Variants in EYS observed in about 807,000 individuals in gnomAD.
The protein encoded by EYS is protein eyes shut homolog.
A neutral mutation model predicts 282.1 loss-of-function variants in EYS; 250 were observed. The ratio of observed to expected loss-of-function variants is 0.89; its 90% CI spans 0.80 to 0.98. The LOEUF is 0.98. Ranked by LOEUF, EYS falls within the 50% of genes least tolerant of loss-of-function variation. The probability of loss-of-function intolerance (pLI) is 0.00; values close to 1 mark genes in which losing one functional copy is unlikely to be tolerated. For missense variants in EYS, 4,016 were observed against 3,709.0 expected (o/e 1.08, Z -2.15); for synonymous variants, 1,355 against 1,282.9 (o/e 1.06, Z -1.20).
intron 8 of EYS, among the ~76,000 whole-genome samples, chr6:65,355,220 C>A (rs1175191057): frequency 2.0e-5 from 3 of 152,096 alleles, no homozygotes; most frequent in Non-Finnish European, 4.4e-5. Flanking sequence ...GTCCCTCTCA[C>A]CCTTCCCTCT....
intron 22 of EYS, among the ~76,000 whole-genome samples, chr6:64,762,379 C>T (rs1324758166): frequency 6.6e-6 from 1 of 152,084 alleles, no homozygotes; most frequent in Admixed American, 6.5e-5. Context: ...CCTGCACAGC[C>T]GTCTGCTAGA....
At chr6:64,618,379 C>A (rs1463800516) in intron 23 of EYS, among the ~76,000 whole-genome samples, 5 of 152,046 alleles carry the variant, frequency 3.3e-5, no homozygotes, top group African/African-American at 1.2e-4. Context: ...CTAAGTATAC[C>A]CTTCCACATA....
At chr6:64,551,181 C>CATATATGTATAT (rs1765067800) in intron 26 of EYS, among the ~76,000 whole-genome samples, 75 of 148,860 alleles carry the variant, frequency 5.0e-4, no homozygotes, top group African/African-American at 1.7e-3. Flanking sequence ...CATATATACA[C>CATATATGTATAT]ACATATATAC....
chr6:64,591,051 T>C lies in EYS; in HGVS notation c.4816A>G (p.Thr1606Ala), dbSNP rs527287264. The change falls in exon 26 of 43, where the codon ACT becomes GCT. Residue 1606 changes from threonine to alanine, a missense_variant. Transcript: ENST00000503581. The part of the protein sequence containing the change: ...WYALMGAQTI[T>A]SGHSFSSATE... ...GCAGAAGAAAATGAATGCCCAGAAG[T>C]GATAGTTTGAGCTCCCATTAGTGCA... 3 of 1,551,282 alleles carry C rather than the reference T, an allele frequency of 1.9e-6. No homozygotes were observed. The highest frequency in any genetic ancestry group is 2.6e-6 in the Non-Finnish European group (3 of 1,146,772).
intron 2 of EYS, among the ~76,000 whole-genome samples, chr6:65,496,817 G>T (rs1219314182): frequency 1.3e-5 from 2 of 151,984 alleles, no homozygotes; most frequent in African/African-American, 2.4e-5. Flanking sequence ...TCAATTAAAT[G>T]TTGTTAAAAT....
At chr6:64,871,031 A>G (rs1464538345) in intron 19 of EYS, among the ~76,000 whole-genome samples, 2 of 151,904 alleles carry the variant, frequency 1.3e-5, no homozygotes, top group African/African-American at 4.8e-5. Context: ...TGAAGAAATA[A>G]TGGCTTAAAT....
In EYS at chr6:64,881,590, G is replaced by C. The variant is rs9345566; in HGVS notation, c.2992+5107C>G. On this transcript the variant is annotated intron_variant, in intron 19 of 42. Transcript: ENST00000503581. ...CCGTAACATAAGCTCCTTTAGGGTAGGGAACCTTCTCTGTTATGTTCACCA... is the reference window on the plus strand; with the variant it reads ...CCGTAACATAAGCTCCTTTAGGGTACGGAACCTTCTCTGTTATGTTCACCA... Among the ~76,000 whole-genome samples, 57 of 151,786 alleles carry C rather than the reference G, an allele frequency of 3.8e-4. 1 individual carries two copies. In the East Asian group the frequency reaches 0.01, roughly 27 times the overall value.
intron 12 of EYS, among the ~76,000 whole-genome samples, chr6:65,198,112 T>A (rs888333223): frequency 1.3e-5 from 2 of 152,106 alleles, no homozygotes; most frequent in Non-Finnish European, 2.9e-5. Context: ...TAATTATAAC[T>A]TTTTAGTACG....
intron 28 of EYS, among the ~76,000 whole-genome samples, chr6:64,424,135 A>G (rs1056614400): frequency 1.3e-5 from 2 of 152,194 alleles, no homozygotes; most frequent in Non-Finnish European, 2.9e-5. Flanking sequence ...GTTTGACTCA[A>G]AAGTTGAGTT....
chr6:63,734,108 T>C (rs1036186417), intron 41 of EYS, among the ~76,000 whole-genome samples: 1 of 152,056 alleles, frequency 6.6e-6, no homozygotes, highest in Non-Finnish European at 1.5e-5. Flanking sequence ...CAATTGACAC[T>C]GGGAACTACA....
intron 12 of EYS, among the ~76,000 whole-genome samples, chr6:65,156,787 A>G (rs1458999436): frequency 6.6e-6 from 1 of 150,916 alleles, no homozygotes; most frequent in East Asian, 2.0e-4. Context: ...TACATCATCT[A>G]CCAACATCTT....
At chr6:64,128,284 C>T (rs558140728) in intron 31 of EYS, among the ~76,000 whole-genome samples, 75 of 152,230 alleles carry the variant, frequency 4.9e-4, no homozygotes, top group South Asian at 1.2e-3. Context: ...TTGCCCCTAA[C>T]TGCATCTTTA....
At chr6:63,937,340 CTTTTCTTTTTTTTTTTTTTT>C (rs1765090218) in intron 35 of EYS, among the ~76,000 whole-genome samples, 5 of 46,048 alleles carry the variant, frequency 1.1e-4, no homozygotes, top group Admixed American at 5.8e-4. Flanking sequence ...AGGCTTCTCT[CTTTTCTTTTTTTTTTTTTTT>C]TTTTTTTTTT....
intron 19 of EYS, among the ~76,000 whole-genome samples, chr6:64,850,287 C>T (rs1322926666): frequency 6.6e-6 from 1 of 152,010 alleles, no homozygotes; most frequent in Non-Finnish European, 1.5e-5. Flanking sequence ...TTCCCCCAGC[C>T]TTTGAAGTCA....
intron 40 of EYS, among the ~76,000 whole-genome samples, chr6:63,763,999 C>T (rs1469046553): frequency 6.6e-6 from 1 of 150,878 alleles, no homozygotes; most frequent in Admixed American, 6.6e-5. Context: ...CCCTTTCTCC[C>T]TTTCTTCCTT....
chr6:64,604,275 T>A (rs963937859), intron 24 of EYS, among the ~76,000 whole-genome samples: 1 of 152,036 alleles, frequency 6.6e-6, no homozygotes, highest in Non-Finnish European at 1.5e-5. Flanking sequence ...ATGTTTTCTG[T>A]CTGATAACCT....
intron 18 of EYS, 125 bp from the exon 19 acceptor site, chr6:64,886,967 T>C (rs1767110778): frequency 1.5e-6 from 1 of 667,982 alleles, no homozygotes; most frequent in Non-Finnish European, 2.3e-6. Flanking sequence ...TATATGTATT[T>C]CATTTTTTTC....
intron 31 of EYS, among the ~76,000 whole-genome samples, chr6:64,110,616 A>G (rs1227044825): frequency 1.3e-5 from 2 of 152,054 alleles, no homozygotes; most frequent in Non-Finnish European, 2.9e-5. Flanking sequence ...ATTGAAGCTG[A>G]GCAATGGGTA....
At chr6:64,426,884 A>C (rs1774428277) in intron 28 of EYS, among the ~76,000 whole-genome samples, 1 of 152,208 alleles carries the variant, frequency 6.6e-6, no homozygotes, top group South Asian at 2.1e-4. Flanking sequence ...TGGTAATTAC[A>C]GAATCACTAT....
Sources: gnomAD v4.1 joint callset for allele counts (sites outside exome capture counted in the v4.1 genomes callset) on GRCh38, gnomAD v4.1.1 for gene constraint, MANE v1.5 for transcripts, NCBI Gene and HGNC (gene_info 2026-07-23, HGNC 2026-07-21) for gene names.